MALRD1: variants seen among roughly 807,000 people sequenced by gnomAD.
MALRD1 encodes MAM and LDL-receptor class A domain-containing protein 1.
A neutral mutation model predicts 242.1 loss-of-function variants in MALRD1; 247 were observed. That is an observed-to-expected ratio of 1.02 (90% CI 0.92 to 1.13). The LOEUF is 1.13. Ranked by LOEUF, MALRD1 falls within the 50% of genes most tolerant of loss-of-function variation. MALRD1 has a pLI of 0.00. For missense variants in MALRD1, 2,989 were observed against 2,533.1 expected (o/e 1.18, Z -3.86); for synonymous variants, 995 against 866.6 (o/e 1.15, Z -2.60).
At chr10:19,068,320 T>A (rs2358275) in intron 2 of MALRD1, among the ~76,000 whole-genome samples, 35,245 of 151,778 alleles carry the variant, frequency 0.23, 4,072 homozygotes, top group South Asian at 0.29. Context: ...TCGTTTTTTT[T>A]ATGCATATTT....
chr10:19,180,880 A>T (rs1835473735), intron 14 of MALRD1, among the ~76,000 whole-genome samples: 1 of 152,200 alleles, frequency 6.6e-6, no homozygotes, highest in Non-Finnish European at 1.5e-5. Flanking sequence ...ATAGATAAAT[A>T]GATAAAAAAT....
intron 21 of MALRD1, among the ~76,000 whole-genome samples, chr10:19,317,482 G>T (rs1478229629): frequency 6.6e-6 from 1 of 151,916 alleles, no homozygotes; most frequent in East Asian, 1.9e-4. Context: ...TGTATTTTCT[G>T]CAGCTCAAAG....
intron 12 of MALRD1, among the ~76,000 whole-genome samples, chr10:19,163,585 TACA>T (rs1444320112): frequency 2.6e-5 from 4 of 151,876 alleles, no homozygotes; most frequent in African/African-American, 9.7e-5. Context: ...AAATAATCTG[TACA>T]ACAAGTCCCC....
chr10:19,157,413 AT>A (rs1055523773), intron 12 of MALRD1, among the ~76,000 whole-genome samples: 1 of 151,532 alleles, frequency 6.6e-6, no homozygotes, highest in South Asian at 2.1e-4. Context: ...CTCCCGGCTA[AT>A]TTTTTTGTAT....
chr10:19,491,451 C>G (rs1237603711), intron 29 of MALRD1, 66 bp from the exon 30 acceptor site: 3 of 1,509,294 alleles, frequency 2.0e-6, no homozygotes, highest in Non-Finnish European at 8.9e-7. Flanking sequence ...AAATACCTAA[C>G]AGGAATCTTC....
intron 38 of MALRD1, among the ~76,000 whole-genome samples, chr10:19,717,186 G>A (rs1460943201): frequency 2.0e-5 from 3 of 152,122 alleles, no homozygotes; most frequent in African/African-American, 7.2e-5. Flanking sequence ...GCTCCGAGAT[G>A]AAAAAGTGGC....
intron 26 of MALRD1, among the ~76,000 whole-genome samples, chr10:19,383,654 T>C (rs1845932173): frequency 6.6e-6 from 1 of 152,108 alleles, no homozygotes; most frequent in Non-Finnish European, 1.5e-5. Context: ...TTTTAATCCT[T>C]GTAACTCTGA....
At chr10:19,360,694 A>G (rs1475232160) in intron 26 of MALRD1, among the ~76,000 whole-genome samples, 3 of 152,120 alleles carry the variant, frequency 2.0e-5, no homozygotes, top group East Asian at 1.9e-4. Flanking sequence ...ATAACAACAC[A>G]TAGTAAACAG....
intron 19 of MALRD1, among the ~76,000 whole-genome samples, chr10:19,271,765 A>G (rs1840257845): frequency 6.6e-6 from 1 of 152,224 alleles, no homozygotes; most frequent in African/African-American, 2.4e-5. Flanking sequence ...TCTGTCTCAA[A>G]AAAATATAAA....
chr10:19,670,905 G>A (rs1841888435), intron 36 of MALRD1, among the ~76,000 whole-genome samples: 1 of 144,510 alleles, frequency 6.9e-6, no homozygotes, highest in African/African-American at 2.6e-5. Flanking sequence ...TTGAGATGGA[G>A]TCTTGCTCTG....
chr10:19,136,528 A>G (rs1162977293), intron 9 of MALRD1, 46 bp from the exon 10 acceptor site: 11 of 1,099,008 alleles, frequency 1.0e-5, no homozygotes, highest in Non-Finnish European at 9.2e-6. Flanking sequence ...TTTTTGTCTT[A>G]TTAAGGAGAT....
intron 21 of MALRD1, among the ~76,000 whole-genome samples, chr10:19,300,363 A>G (rs538507273): frequency 6.6e-6 from 1 of 152,146 alleles, no homozygotes; most frequent in East Asian, 1.9e-4. Flanking sequence ...TCAAAAAACT[A>G]TTCTAAAATT....
In MALRD1 at chr10:19,132,803, A is replaced by G. The variant is rs535608459; in HGVS notation, c.1111-1053A>G. On this transcript the variant is annotated intron_variant, in intron 8 of 39. Transcript: ENST00000454679. Reference sequence around the variant, plus strand: ...AACAATTTGTTCTATTTTTGGGAAGAAATGTGAATTTGAATGTCTAATAAA... The same window carrying G: ...AACAATTTGTTCTATTTTTGGGAAGGAATGTGAATTTGAATGTCTAATAAA... Among the ~76,000 whole-genome samples, 7 of 152,194 alleles carry G rather than the reference A, an allele frequency of 4.6e-5. No individual in the cohort carries two copies. In the South Asian group the frequency reaches 1.2e-3, roughly 27 times the overall value.
chr10:19,637,041 A>T (rs1840167617), intron 36 of MALRD1, among the ~76,000 whole-genome samples: 1 of 152,186 alleles, frequency 6.6e-6, no homozygotes, highest in African/African-American at 2.4e-5. Flanking sequence ...ATGAAATAAA[A>T]GTAAACTTGT....
chr10:19,537,446 A>T (rs1242931569), intron 32 of MALRD1, among the ~76,000 whole-genome samples: 1 of 152,032 alleles, frequency 6.6e-6, no homozygotes, highest in Non-Finnish European at 1.5e-5. Flanking sequence ...GTCTTACCAG[A>T]CCTTTTTTGT....
chr10:19,266,323 G>T (rs888144867), intron 19 of MALRD1, among the ~76,000 whole-genome samples: 4 of 151,576 alleles, frequency 2.6e-5, no homozygotes, highest in African/African-American at 9.7e-5. Context: ...ATTGTGATTT[G>T]ATGATTTTTC....
chr10:19,241,512 T>C lies in MALRD1; in HGVS notation c.2992-16172T>C, dbSNP rs76677405. On this transcript the variant is annotated intron_variant, in intron 18 of 39. Coordinates refer to ENST00000454679, the MANE Select transcript of MALRD1 (RefSeq NM_001142308.3). ...TCAGTTTTACCTTTACACTTTGTTT[T>C]ATTTATCTTTTGAAATATTTTTTAG... Among the ~76,000 whole-genome samples, 1,292 of 152,228 alleles carry C rather than the reference T, an allele frequency of 8.5e-3. 14 individuals carry two copies. The highest frequency in any genetic ancestry group is 0.029 in the African/African-American group (1,222 of 41,556).
chr10:19,419,255 CCTT>C (rs1393032967), intron 28 of MALRD1, among the ~76,000 whole-genome samples: 2 of 151,604 alleles, frequency 1.3e-5, no homozygotes, highest in African/African-American at 4.8e-5. Context: ...TCCTTCTCCT[CCTT>C]CTTCTTCATC....
intron 5 of MALRD1, among the ~76,000 whole-genome samples, chr10:19,117,282 T>A (rs1382531117): frequency 1.3e-5 from 2 of 152,166 alleles, no homozygotes; most frequent in African/African-American, 4.8e-5. Context: ...TACTTACTCA[T>A]ATACCACTGG....
Sources: allele counts gnomAD v4.1 joint callset (sites outside exome capture counted in the v4.1 genomes callset), GRCh38; gene constraint gnomAD v4.1.1; transcripts MANE v1.5; gene names NCBI Gene and HGNC (gene_info 2026-07-23, HGNC 2026-07-21).